INPP1: variants seen among roughly 807,000 people sequenced by gnomAD.
INPP1 encodes inositol polyphosphate-1-phosphatase.
In INPP1, 18 loss-of-function variants were observed where a neutral mutation model predicts 23.0. That is an observed-to-expected ratio of 0.78 (90% CI 0.54 to 1.16). The LOEUF is 1.16. Ranked by LOEUF, INPP1 falls within the 50% of genes most tolerant of loss-of-function variation. INPP1 has a pLI of 0.00. For synonymous variants in INPP1, 164 were observed against 176.3 expected, an observed-to-expected ratio of 0.93 and a Z score of 0.55; for missense variants, 448 against 482.1, an observed-to-expected ratio of 0.93 and a Z score of 0.66.
chr2:190,358,128 G>A (rs1488373447), intron 2 of INPP1, among the ~76,000 whole-genome samples: 5 of 141,354 alleles, frequency 3.5e-5, no homozygotes, highest in Non-Finnish European at 7.5e-5. Flanking sequence ...CACCCAGGCT[G>A]GAGTGCAGTG....
At chr2:190,350,369 T>G (rs1327435725) in intron 2 of INPP1, among the ~76,000 whole-genome samples, 1 of 152,192 alleles carries the variant, frequency 6.6e-6, no homozygotes, top group Non-Finnish European at 1.5e-5. Context: ...AACCAGTGAG[T>G]GTAGAGCTGA....
intron 1 of INPP1, 87 bp downstream of exon 1, chr2:190,344,048 G>A (rs1275974230): frequency 6.1e-6 from 2 of 327,948 alleles, no homozygotes; most frequent in Non-Finnish European, 6.4e-6. Context: ...GGGCTGGTGA[G>A]CGGCGCGCGC....
rs895453497 is a variant in INPP1, at chr2:190,347,959, G to A, written c.-208-929G>A. ...TCGAGACCAGCCTGGCCAACATGGC[G>A]AAACCTGGTCTCTACTAAAAATACA... is the stretch of plus-strand genomic sequence containing the variant. On this transcript the variant is annotated intron_variant, in intron 1 of 6. Transcript: ENST00000392329. Among the ~76,000 whole-genome samples the A allele has an allele frequency of 7.9e-5, 12 of 152,304 alleles. No individual in the cohort carries two copies. The South Asian group carries it at 8.3e-4, about 11-fold the overall frequency.
chr2:190,366,194 G>GCT (rs148974923), intron 4 of INPP1, among the ~76,000 whole-genome samples: 60 of 142,834 alleles, frequency 4.2e-4, no homozygotes, highest in African/African-American at 1.5e-3. Context: ...TCTGTCTCTT[G>GCT]CTCTGTCTCG....
At position 190,355,574 on chromosome 2, in the gene INPP1, T is replaced by C. The variant is rs1257667104; in HGVS notation, c.-64-4465T>C. 6.6e-6 allele frequency among the ~76,000 whole-genome samples: 1 copy of C among 152,212 alleles called. No individual in the cohort carries two copies. The highest frequency in any genetic ancestry group is 1.9e-4 in the East Asian group (1 of 5,198). ...TGGGGTAGAGTCCAGCAATCTGTTTTTTTAGAAGGCCATCTTGGGTAATTC... is the reference window on the plus strand; with the variant it reads ...TGGGGTAGAGTCCAGCAATCTGTTTCTTTAGAAGGCCATCTTGGGTAATTC... On this transcript the variant is annotated intron_variant, in intron 2 of 6. Transcript: ENST00000392329. This position sits in a 1 kb window ranked among gnomAD's most constrained non-coding sequence, Gnocchi z 5.1.
At position 190,371,173 on chromosome 2, in the gene INPP1, T is replaced by C. The variant is rs1285679858; in HGVS notation, c.971T>C (p.Leu324Pro). The change falls in exon 7 of 7, where the codon CTG becomes CCG. Residue 324 changes from leucine to proline, a missense_variant. Transcript: ENST00000392329. The surrounding 1 kb of genome is among the most constrained non-coding windows in gnomAD (Gnocchi z 5.3). ...KWDSCAAHAI[L>P]RAMGGGIVDL... ...GACTCTTGTGCTGCTCATGCCATAC[T>C]GAGGGCCATGGGTGGGGGAATAGTA... 1.7e-5 allele frequency: 27 copies of C among 1,614,054 alleles called. No homozygotes were observed. The highest frequency in any genetic ancestry group is 2.0e-5 in the Non-Finnish European group (24 of 1,180,032).
chr2:190,364,789 G>A (rs542448555), intron 4 of INPP1, among the ~76,000 whole-genome samples: 125 of 151,638 alleles, frequency 8.2e-4, no homozygotes, highest in South Asian at 6.3e-4. Flanking sequence ...TTTTATTAGA[G>A]ACAGGGGTTT....
rs1689334769 is a variant in INPP1 at position 190,352,102 on chromosome 2, T to C, written c.-65+3071T>C. ...TTTATTGGCCATTTGGATATCCTCC[T>C]GTATGAAGTGCCTATTCAAGCTTCT... On this transcript the variant is annotated intron_variant, in intron 2 of 6. Transcript: ENST00000392329. The surrounding 1 kb of genome is among the most constrained non-coding windows in gnomAD (Gnocchi z 4.7). Among the ~76,000 whole-genome samples the C allele has an allele frequency of 6.6e-6, 1 of 152,220 alleles. No homozygotes were observed.
chr2:190,343,879 C>A lies in INPP1; in HGVS notation c.-291C>A. On this transcript the variant is annotated 5_prime_UTR_variant, in exon 1 of 7. Coordinates refer to ENST00000392329, the MANE Select transcript of INPP1 (RefSeq NM_001128928.2). The stretch of plus-strand genomic sequence containing the variant: ...GCCTAACCTCGCGCCCGGGCCGCGC[C>A]TCCTCCTCCTCCTGCTCCCCGCCGC... The A allele has an allele frequency of 5.9e-6, 1 of 168,106 alleles. No homozygotes were observed. The allele number at this position is 168,106 out of a possible 1,614,324, so 10.4% of individuals were successfully genotyped here. A position where few individuals can be genotyped will look rare whatever the true frequency, so the allele number is the denominator to read the frequency against.
In INPP1 at chr2:190,367,948, C is replaced by G. The variant is rs552313568; in HGVS notation, c.466+1053C>G. Among the ~76,000 whole-genome samples the G allele has an allele frequency of 6.6e-6, 1 of 151,630 alleles. No homozygotes were observed. The highest frequency in any genetic ancestry group is 1.5e-5 in the Non-Finnish European group (1 of 67,878). On this transcript the variant is annotated intron_variant, in intron 5 of 6. Transcript: ENST00000392329. The surrounding 1 kb of genome is among the most constrained non-coding windows in gnomAD (Gnocchi z 4.1). ...AGCTCCCCCTTCCTTTTTTTTCTTC[C>G]CCACCCAACACAATGGGACCATTCA...
chr2:190,357,071 T>C (rs1466651389), intron 2 of INPP1, among the ~76,000 whole-genome samples: 1 of 152,218 alleles, frequency 6.6e-6, no homozygotes, highest in East Asian at 1.9e-4. Context: ...ATGTTTAGAT[T>C]CAAGTCAACT....
In INPP1 at chr2:190,345,904, G is replaced by A. The variant is rs190725851; in HGVS notation, c.-209+1943G>A. ...AGCTATTCAGGAGGCTGAGGCTGGA[G>A]GATCCCTGGAACCTAGGAATCAGAG... On this transcript the variant is annotated intron_variant, in intron 1 of 6. Transcript: ENST00000392329. This position sits in a 1 kb window ranked among gnomAD's most constrained non-coding sequence, Gnocchi z 4.9. 2.7e-3 allele frequency among the ~76,000 whole-genome samples: 416 copies of A among 152,334 alleles called. No homozygotes were observed. Among genetic ancestry groups the A allele is most frequent in the African/African-American group, 9.6e-3 (401 of 41,576 alleles).
Position 190,346,111 on chromosome 2 carries a change from G to C in INPP1, c.-209+2150G>C, listed in dbSNP as rs1046846577. Among the ~76,000 whole-genome samples the C allele has an allele frequency of 2.0e-5, 3 of 152,208 alleles. No homozygotes were observed. Among genetic ancestry groups the C allele is most frequent in the Non-Finnish European group, 4.4e-5 (3 of 68,024 alleles). On this transcript the variant is annotated intron_variant, in intron 1 of 6. Transcript: ENST00000392329. This position sits in a 1 kb window ranked among gnomAD's most constrained non-coding sequence, Gnocchi z 5.1. Reference sequence around the variant, plus strand: ...GATTGTAAAATTCCTCAGGGTAGTAGGCAAGTCGGGGAGTGGGTAGAGTAT... The same window carrying C: ...GATTGTAAAATTCCTCAGGGTAGTACGCAAGTCGGGGAGTGGGTAGAGTAT...
At chr2:190,358,621 A>G (rs1225389184) in intron 2 of INPP1, among the ~76,000 whole-genome samples, 5 of 152,216 alleles carry the variant, frequency 3.3e-5, no homozygotes, top group African/African-American at 9.6e-5. Context: ...GCCTTCTGTA[A>G]CCCTGAAGAA....
Position 190,345,603 on chromosome 2 carries a change from T to G in INPP1, c.-209+1642T>G, listed in dbSNP as rs1016588787. 6.6e-6 allele frequency: 1 copy of G among 152,240 alleles called. No homozygotes were observed. Among genetic ancestry groups the G allele is most frequent in the African/African-American group, 2.4e-5 (1 of 41,470 alleles). The allele number at this position is 152,240 out of a possible 1,614,324, so 9.4% of individuals were successfully genotyped here. ...GAGGATGGTGTATATAAGCACTTTT[T>G]CCCGATGTGAGTCCTTATGAATGTT... is the stretch of plus-strand genomic sequence containing the variant. On this transcript the variant is annotated intron_variant, in intron 1 of 6. Coordinates refer to ENST00000392329, the MANE Select transcript of INPP1 (RefSeq NM_001128928.2). The surrounding 1 kb of genome is among the most constrained non-coding windows in gnomAD (Gnocchi z 4.9).
rs562441294 is a variant in INPP1 at position 190,351,234 on chromosome 2, G to A, written c.-65+2203G>A. ...TTTGGCCCATCTCCATTCCCCCATG[G>A]CCCAGGTGCCTAAGATGGAGGAGGA... On this transcript the variant is annotated intron_variant, in intron 2 of 6. Transcript: ENST00000392329. Among the ~76,000 whole-genome samples, 21 of 152,340 alleles carry A rather than the reference G, an allele frequency of 1.4e-4. No homozygotes were observed. The South Asian group carries it at 3.5e-3, about 26-fold the overall frequency.
rs137951347 is a variant in INPP1, at chr2:190,360,303, C to G, written c.201C>G (p.Asn67Lys). ...VQEVIKQNME[N>K]KFPGLEKNIF... ...AAGTTATAAAACAGAATATGGAGAACAAGGTAAGAAAGGTCATAGCCAAGG... is the reference window on the plus strand; with the variant it reads ...AAGTTATAAAACAGAATATGGAGAAGAAGGTAAGAAAGGTCATAGCCAAGG... Residue 67 changes from asparagine to lysine, a missense_variant, in exon 3 of 7, where the codon AAC (asparagine) becomes AAG (lysine). By Grantham distance (94) the Asn-to-Lys change is moderately conservative. Coordinates refer to ENST00000392329, the MANE Select transcript of INPP1 (RefSeq NM_001128928.2). 6.2e-7 allele frequency: 1 copy of G among 1,613,718 alleles called. No homozygotes were observed. The highest frequency in any genetic ancestry group is 2.2e-5 in the East Asian group (1 of 44,894).
Position 190,365,911 on chromosome 2 carries a change from C to G in INPP1, c.266-784C>G, listed in dbSNP as rs191585978. Among the ~76,000 whole-genome samples the G allele has an allele frequency of 5.3e-5, 8 of 151,924 alleles. 1 individual carries two copies. Among genetic ancestry groups the G allele is most frequent in the Admixed American group, 4.6e-4 (7 of 15,268 alleles). ...TCTGTGTCTCTTGCTCTGTCTCGCT[C>G]TCTTGCTCTGTCTCACTGTCTCTCG... On this transcript the variant is annotated intron_variant, in intron 4 of 6. Transcript: ENST00000392329.
Position 190,371,049 on chromosome 2 carries a change from C to G in INPP1, c.847C>G (p.Arg283Gly). The G allele has an allele frequency of 6.2e-7, 1 of 1,614,122 alleles. No individual in the cohort carries two copies. Among genetic ancestry groups the G allele is most frequent in the Non-Finnish European group, 8.5e-7 (1 of 1,180,020 alleles). Reference sequence around the variant, plus strand: ...TGCATTGTCACGTGTGTGTGGAGATCGCATATTTGGGGCAGCTGGGGCTGG... The same window carrying G: ...TGCATTGTCACGTGTGTGTGGAGATGGCATATTTGGGGCAGCTGGGGCTGG... ...KAALSRVCGDRIFGAAGAGYK... is the reference protein window; with the variant it reads ...KAALSRVCGDGIFGAAGAGYK... Residue 283 changes from arginine (R) to glycine (G), a missense_variant, in exon 7 of 7, where the codon CGC becomes GGC. Physicochemically the swap from Arg to Gly is moderately radical, Grantham distance 125 (BLOSUM62 -2). Coordinates refer to ENST00000392329, the MANE Select transcript of INPP1 (RefSeq NM_001128928.2). The surrounding 1 kb of genome is among the most constrained non-coding windows in gnomAD (Gnocchi z 5.3).
Sources: gnomAD v4.1 joint callset for allele counts (sites outside exome capture counted in the v4.1 genomes callset) on GRCh38, gnomAD v4.1.1 for gene constraint, Gnocchi (gnomAD v3.1) non-coding constraint, MANE v1.5 for transcripts, NCBI Gene and HGNC (gene_info 2026-07-23, HGNC 2026-07-21) for gene names.